Variants in DNAH6 observed in about 807,000 individuals in gnomAD.
DNAH6 encodes the protein dynein axonemal heavy chain 6.
Under a neutral mutation model 491.4 loss-of-function variants are expected in DNAH6, and 340 were observed. That is an observed-to-expected ratio of 0.69 (90% CI 0.63 to 0.76). DNAH6 has a LOEUF of 0.76. Ranked by LOEUF, DNAH6 falls within the 30% of genes least tolerant of loss-of-function variation. DNAH6 has a pLI of 0.00. For missense variants in DNAH6, 4,443 were observed against 4,972.2 expected (o/e 0.89, Z 3.20); for synonymous variants, 1,603 against 1,686.1 (o/e 0.95, Z 1.21).
At chr2:84,762,668 A>T in intron 63 of DNAH6, 87 bp from the exon 64 acceptor site, 1 of 912,448 alleles carries the variant, frequency 1.1e-6, no homozygotes. Context: ...ACAGGACACC[A>T]ACCTCTGAGG....
chr2:84,654,006 A>C (rs1387441138), intron 34 of DNAH6, 132 bp downstream of exon 34: 1 of 716,794 alleles, frequency 1.4e-6, no homozygotes, highest in East Asian at 2.8e-5. Flanking sequence ...CTTACTTATT[A>C]AGTCATCCTT....
chr2:84,622,239 G>A (rs1687465932), intron 26 of DNAH6, among the ~76,000 whole-genome samples: 1 of 151,884 alleles, frequency 6.6e-6, no homozygotes, highest in Admixed American at 6.6e-5. Flanking sequence ...ATATCCTCCA[G>A]GTTTATTCAT....
At chr2:84,550,391 G>C (rs180801891) in intron 9 of DNAH6, among the ~76,000 whole-genome samples, 115 of 152,292 alleles carry the variant, frequency 7.6e-4, no homozygotes, top group African/African-American at 2.7e-3. Flanking sequence ...CCACTGTTCT[G>C]AGGGGAGGCA....
chr2:84,780,271 G>C (rs1676552978), intron 64 of DNAH6, among the ~76,000 whole-genome samples: 1 of 152,204 alleles, frequency 6.6e-6, no homozygotes, highest in South Asian at 2.1e-4. Context: ...AGGAATGCCA[G>C]TATGGCATAG....
chr2:84,765,289 C>G (rs1364420215), intron 64 of DNAH6, among the ~76,000 whole-genome samples: 1 of 152,028 alleles, frequency 6.6e-6, no homozygotes, highest in Admixed American at 6.5e-5. Context: ...ACTGAAGGCT[C>G]AGATCATGTA....
chr2:84,466,766 A>G, the DNAH6 span, among the ~76,000 whole-genome samples: 1,685 of 152,328 alleles, frequency 0.011, 29 homozygotes, highest in African/African-American at 0.039. Flanking sequence ...ACTTCTAAAG[A>G]GGATTAAAAC....
intron 61 of DNAH6, among the ~76,000 whole-genome samples, chr2:84,732,378 A>T (rs1699196878): frequency 6.6e-6 from 1 of 152,214 alleles, no homozygotes; most frequent in Non-Finnish European, 1.5e-5. Flanking sequence ...AAAGGTGGAA[A>T]CAGCCCAAAA....
intron 62 of DNAH6, among the ~76,000 whole-genome samples, 182 bp from the exon 63 acceptor site, chr2:84,744,898 T>C (rs1672819926): frequency 6.6e-6 from 1 of 152,188 alleles, no homozygotes; most frequent in Non-Finnish European, 1.5e-5. Context: ...TATTTTCTGA[T>C]TACATTTTAA....
chr2:84,726,786 A>G (rs1698680863), intron 60 of DNAH6, among the ~76,000 whole-genome samples: 1 of 152,018 alleles, frequency 6.6e-6, no homozygotes, highest in Admixed American at 6.5e-5. Context: ...TAATAAAAAA[A>G]ATAAAATAAA....
chr2:84,707,786 TTC>T, intron 54 of DNAH6, 70 bp downstream of exon 54: 1 of 1,260,194 alleles, frequency 7.9e-7, no homozygotes, highest in South Asian at 1.4e-5. Context: ...TGGTTCATTT[TTC>T]TGAGTTCAGA....
intron 34 of DNAH6, 88 bp from the exon 35 acceptor site, chr2:84,654,572 G>A: frequency 1.3e-6 from 2 of 1,490,310 alleles, no homozygotes; most frequent in Non-Finnish European, 1.8e-6. Context: ...TTAAAAGTGT[G>A]AATCATTTTA....
chr2:84,470,489 C>A, the DNAH6 span, among the ~76,000 whole-genome samples: 23 of 152,204 alleles, frequency 1.5e-4, no homozygotes, highest in East Asian at 4.0e-3. Context: ...CCTTTTTAGA[C>A]CATGTGGGGT....
At chr2:84,781,253 G>A (rs1676667197) in intron 64 of DNAH6, among the ~76,000 whole-genome samples, 1 of 152,144 alleles carries the variant, frequency 6.6e-6, no homozygotes, top group Non-Finnish European at 1.5e-5. Flanking sequence ...CTCAACCGCA[G>A]GTATTGATTT....
intron 33 of DNAH6, among the ~76,000 whole-genome samples, chr2:84,645,622 A>T (rs1198022721): frequency 6.6e-6 from 1 of 151,992 alleles, no homozygotes; most frequent in African/African-American, 2.4e-5. Flanking sequence ...TTTTCTTGTA[A>T]ATTTGTTTAA....
chr2:84,540,105 A>C (rs750811475), intron 4 of DNAH6, among the ~76,000 whole-genome samples: 1 of 152,184 alleles, frequency 6.6e-6, no homozygotes, highest in African/African-American at 2.4e-5. Flanking sequence ...GAGCTTATCT[A>C]ATTCAGCCTT....
intron 43 of DNAH6, 31 bp from the exon 44 acceptor site, chr2:84,686,453 T>C: frequency 8.4e-7 from 1 of 1,196,572 alleles, no homozygotes; most frequent in Non-Finnish European, 1.2e-6. Flanking sequence ...ATTATCATTA[T>C]ATTTAAAACT....
chr2:84,704,399 T>C, intron 51 of DNAH6, 97 bp downstream of exon 51: 1 of 870,118 alleles, frequency 1.1e-6, no homozygotes, highest in East Asian at 2.7e-5. Context: ...CTTCTCCACC[T>C]TCTCATTGCT....
At chr2:84,610,717 G>A (rs752685380) in intron 21 of DNAH6, among the ~76,000 whole-genome samples, 3 of 152,216 alleles carry the variant, frequency 2.0e-5, no homozygotes, top group Non-Finnish European at 4.4e-5. Context: ...AATACAGGCA[G>A]TAAGAGGGAA....
At chr2:84,752,575 C>G (rs552488700) in intron 63 of DNAH6, among the ~76,000 whole-genome samples, 1 of 152,038 alleles carries the variant, frequency 6.6e-6, no homozygotes, top group South Asian at 2.1e-4. Flanking sequence ...ATTTTAATAA[C>G]CCCCCGAAAA....
Sources: allele counts gnomAD v4.1 joint callset (sites outside exome capture counted in the v4.1 genomes callset), GRCh38; gene constraint gnomAD v4.1.1; transcripts MANE v1.5; gene names NCBI Gene and HGNC (gene_info 2026-07-23, HGNC 2026-07-21).